Variants in ATP13A1 observed in about 807,000 individuals in gnomAD.
The protein encoded by ATP13A1 is endoplasmic reticulum transmembrane helix translocase.
Under a neutral mutation model 134.8 loss-of-function variants are expected in ATP13A1, and 55 were observed. The ratio of observed to expected loss-of-function variants is 0.41; its 90% CI spans 0.33 to 0.51. ATP13A1 has a LOEUF of 0.51. Among genes scored for constraint, ATP13A1 ranks in the 20% least tolerant of loss-of-function variants. The pLI, the probability that ATP13A1 is intolerant of heterozygous loss-of-function variation, is 0.29. For synonymous variants in ATP13A1, 775 were observed against 725.1 expected, an observed-to-expected ratio of 1.07 and a Z score of -1.10; for missense variants, 1,389 against 1,652.8, an observed-to-expected ratio of 0.84 and a Z score of 2.77.
chr19:19,654,502 A>T (rs762382139), intron 13 of ATP13A1, 41 bp downstream of exon 13: 3 of 1,561,368 alleles, frequency 1.9e-6, no homozygotes, highest in Non-Finnish European at 2.6e-6. Context: ...TGTGAGAGCC[A>T]GTGGCTCCCC....
chr19:19,654,190 G>A, intron 13 of ATP13A1, 46 bp from the exon 14 acceptor site: 3 of 1,531,116 alleles, frequency 2.0e-6, no homozygotes, highest in Non-Finnish European at 1.8e-6. Context: ...GCTCCAAAGA[G>A]GCAGCCAAGC....
Position 19,653,188 on chromosome 19 carries a change from G to A in ATP13A1, c.2101-468C>T, listed in dbSNP as rs1324247613. 5.6e-6 allele frequency: 1 copy of A among 178,702 alleles called. No individual in the cohort carries two copies. The highest frequency in any genetic ancestry group is 5.4e-5 in the Admixed American group (1 of 18,406). The allele number at this position is 178,702 out of a possible 1,614,324, so 11.1% of individuals were successfully genotyped here. On this transcript the variant is annotated intron_variant, in intron 15 of 25. Coordinates refer to ENST00000357324, the MANE Select transcript of ATP13A1 (RefSeq NM_020410.3). This position sits in a 1 kb window ranked among gnomAD's most constrained non-coding sequence, Gnocchi z 4.2. Reference sequence around the variant, plus strand: ...TCGGAGTGCTGAGTGCCATGAGAGAGGAGGTGAGAATGGAATCCAGAGAGG... The same window carrying A: ...TCGGAGTGCTGAGTGCCATGAGAGAAGAGGTGAGAATGGAATCCAGAGAGG...
chr19:19,657,430 C>T (rs2062066729), intron 3 of ATP13A1, 22 bp from the exon 4 acceptor site: 1 of 1,556,372 alleles, frequency 6.4e-7, no homozygotes, highest in Non-Finnish European at 8.7e-7. Flanking sequence ...CAGGCCCCAT[C>T]CTGTTCCCAG....
intron 1 of ATP13A1, 124 bp downstream of exon 1, chr19:19,663,147 C>T: frequency 1.4e-6 from 2 of 1,401,014 alleles, no homozygotes; most frequent in South Asian, 2.5e-5. Context: ...GAGGGTGCCC[C>T]TGGGAATCCA....
Position 19,653,491 on chromosome 19 carries a change from A to T in ATP13A1, c.2100+293T>A. The T allele has an allele frequency of 2.2e-6, 1 of 445,424 alleles. No individual in the cohort carries two copies. Among genetic ancestry groups the T allele is most frequent in the African/African-American group, 2.0e-5 (1 of 49,886 alleles). The allele number at this position is 445,424 out of a possible 1,614,324, so 27.6% of individuals were successfully genotyped here. A position where few individuals can be genotyped will look rare whatever the true frequency, so the allele number is the denominator to read the frequency against. The stretch of plus-strand genomic sequence containing the variant: ...GGAGGATGGATGGGTGAGAGGGCTG[A>T]GGATGCCACCTAGCCCTGCCCAAGA... On this transcript the variant is annotated intron_variant, in intron 15 of 25. Coordinates refer to ENST00000357324, the MANE Select transcript of ATP13A1 (RefSeq NM_020410.3). The surrounding 1 kb of genome is among the most constrained non-coding windows in gnomAD (Gnocchi z 4.2).
Position 19,663,640 on chromosome 19 carries a change from G to T in ATP13A1, c.27C>A (p.Asn9Lys). Residue 9 changes from asparagine (N) to lysine (K), a missense_variant, in exon 1 of 26, where the codon AAC becomes AAA. Asn to Lys is a moderately conservative substitution (Grantham distance 94, BLOSUM62 0). Around this residue, in one of 4 missense-constraint regions of ATP13A1, gnomAD observed 293 missense variants for 270.8 expected, o/e 1.08. Coordinates refer to ENST00000357324, the MANE Select transcript of ATP13A1 (RefSeq NM_020410.3). MAAAAAVGNAVPCGARPCG... is the reference protein window; with the variant it reads MAAAAAVGKAVPCGARPCG... The stretch of plus-strand genomic sequence containing the variant: ...AAGGCCGGGCCCCGCAGGGCACCGC[G>T]TTGCCCACCGCCGCCGCTGCCGCCA... The T allele has an allele frequency of 7.7e-7, 1 of 1,305,242 alleles. No individual in the cohort carries two copies. Among genetic ancestry groups the T allele is most frequent in the Non-Finnish European group, 9.7e-7 (1 of 1,029,116 alleles). The allele number at this position is 1,305,242 out of a possible 1,614,324, so 80.9% of individuals were successfully genotyped here. A position where few individuals can be genotyped will look rare whatever the true frequency, so the allele number is the denominator to read the frequency against.
rs761484333 is a variant in ATP13A1, at chr19:19,647,541, C to T, written c.2794-13G>A. Reference sequence around the variant, plus strand: ...GGCTCAGGCGGTCCTGCAGGGTAGACAGCAGGCTGTCAGCCCTGGCCAGGA... The same window carrying T: ...GGCTCAGGCGGTCCTGCAGGGTAGATAGCAGGCTGTCAGCCCTGGCCAGGA... On this transcript the variant is annotated splice_polypyrimidine_tract_variant and intron_variant, in intron 20 of 25. Coordinates refer to ENST00000357324, the MANE Select transcript of ATP13A1 (RefSeq NM_020410.3). This position sits in a 1 kb window ranked among gnomAD's most constrained non-coding sequence, Gnocchi z 4.8. 2 of 1,612,308 alleles carry T rather than the reference C, an allele frequency of 1.2e-6. No individual in the cohort carries two copies. Among genetic ancestry groups the T allele is most frequent in the Non-Finnish European group, 1.7e-6 (2 of 1,179,074 alleles).
At chr19:19,650,255 AC>A (rs1599429613) in intron 17 of ATP13A1, 1 of 466,040 alleles carries the variant, frequency 2.1e-6, no homozygotes, top group Non-Finnish European at 3.9e-6. Flanking sequence ...CCTGAAACAC[AC>A]AGAAGGGGGC....
At chr19:19,659,330 C>A (rs1382722093) in intron 3 of ATP13A1, among the ~76,000 whole-genome samples, 1 of 152,142 alleles carries the variant, frequency 6.6e-6, no homozygotes, top group Non-Finnish European at 1.5e-5. Flanking sequence ...GTGGGGGGAG[C>A]CTGTATTCCC....
In ATP13A1 at chr19:19,659,808, G is replaced by A. The variant is rs1286782870; in HGVS notation, c.487-17C>T. On this transcript the variant is annotated splice_polypyrimidine_tract_variant and intron_variant, in intron 2 of 25. Transcript: ENST00000357324. ...GTCTTCGCCCTGCGGTAGAAGGTGT[G>A]TTTGCCACAGAGGCCCCTGACCTTG... 1.9e-6 allele frequency: 3 copies of A among 1,611,290 alleles called. No homozygotes were observed. Among genetic ancestry groups the A allele is most frequent in the South Asian group, 1.1e-5 (1 of 90,884 alleles).
intron 12 of ATP13A1, 138 bp downstream of exon 12, chr19:19,654,981 G>A: frequency 7.3e-7 from 1 of 1,362,594 alleles, no homozygotes; most frequent in Non-Finnish European, 9.8e-7. Flanking sequence ...ACTTTGTGGG[G>A]AGCCCCTGGA....
intron 17 of ATP13A1, 111 bp from the exon 18 acceptor site, chr19:19,650,051 ACCTC>A: frequency 1.0e-6 from 1 of 964,066 alleles, no homozygotes; most frequent in Non-Finnish European, 1.5e-6. Flanking sequence ...TGGAGCCCGC[ACCTC>A]CCTACCCACC....
In ATP13A1 at chr19:19,655,248, G is replaced by A. The variant is rs765175900; in HGVS notation, c.1535-9C>T. On this transcript the variant is annotated splice_polypyrimidine_tract_variant and intron_variant, in intron 11 of 25. Transcript: ENST00000357324. This position sits in a 1 kb window ranked among gnomAD's most constrained non-coding sequence, Gnocchi z 5.7. ...CTCTGTGCAGTACATGTCTAGGGGC[G>A]GGAGTGAGGTCAGGGGTCCTGCTTG... The A allele has an allele frequency of 1.9e-5, 30 of 1,613,852 alleles. No individual in the cohort carries two copies. The highest frequency in any genetic ancestry group is 8.3e-5 in the Admixed American group (5 of 59,990).
rs2062042141 is a variant in ATP13A1 at position 19,654,147 on chromosome 19, G to A, written c.1814-3C>T. 2.5e-6 allele frequency: 4 copies of A among 1,581,914 alleles called. No individual in the cohort carries two copies. Among genetic ancestry groups the A allele is most frequent in the African/African-American group, 2.7e-5 (2 of 74,250 alleles). On this transcript the variant is annotated splice_polypyrimidine_tract_variant and splice_region_variant and intron_variant, in intron 13 of 25. Transcript: ENST00000357324. ...ACTTCGGGGGAATACTTTCTCATCT[G>A]GAAACAAATAAGTACGAGTCCTGAG...
chr19:19,646,715 G>T, intron 22 of ATP13A1: 1 of 389,998 alleles, frequency 2.6e-6, no homozygotes, highest in African/African-American at 2.0e-5. Flanking sequence ...CCTGTTTGGG[G>T]CCTTTGTGTC....
chr19:19,654,422 G>T, intron 13 of ATP13A1, 121 bp downstream of exon 13: 2 of 1,281,064 alleles, frequency 1.6e-6, no homozygotes, highest in Admixed American at 5.5e-5. Context: ...ACCCACCTCG[G>T]GGAGCATCAG....
chr19:19,649,771 C>G lies in ATP13A1; in HGVS notation c.2505G>C (p.Gln835His). ...GCTTGGGAGCCACACGGGCGAACAC[C>G]TGCACATGGGGGATGAGGCGGAGCA... ...QQLLRLIPHV[Q>H]VFARVAPKQK... Residue 835 changes from glutamine (Q) to histidine (H), a missense_variant, in exon 18 of 26, where the codon CAG becomes CAC. Gln to His is a conservative substitution (Grantham distance 24, BLOSUM62 0). Around this residue, in one of 4 missense-constraint regions of ATP13A1, gnomAD observed 747 missense variants for 956.1 expected, o/e 0.78. Transcript: ENST00000357324. 1 of 1,601,600 alleles carries G rather than the reference C, an allele frequency of 6.2e-7. No individual in the cohort carries two copies. Among genetic ancestry groups the G allele is most frequent in the Non-Finnish European group, 8.5e-7 (1 of 1,174,458 alleles).
In ATP13A1 at chr19:19,655,830, G is replaced by C; in HGVS notation, c.1269+48C>G. The stretch of plus-strand genomic sequence containing the variant: ...GGGGTCGGAAAGGGCTGATACCTTG[G>C]CTGTCCAACTGCCCTGGGGCCCGCC... On this transcript the variant is annotated intron_variant, in intron 9 of 25. Coordinates refer to ENST00000357324, the MANE Select transcript of ATP13A1 (RefSeq NM_020410.3). The surrounding 1 kb of genome is among the most constrained non-coding windows in gnomAD (Gnocchi z 5.7). 6.5e-7 allele frequency: 1 copy of C among 1,548,680 alleles called. No homozygotes were observed. Among genetic ancestry groups the C allele is most frequent in the Middle Eastern group, 1.8e-4 (1 of 5,592 alleles).
chr19:19,654,283 G>A, intron 13 of ATP13A1, 139 bp from the exon 14 acceptor site: 1 of 1,062,074 alleles, frequency 9.4e-7, no homozygotes, highest in Non-Finnish European at 1.3e-6. Context: ...AGCAGGTGTT[G>A]GTCCAGAGCT....
Sources: gnomAD v4.1 joint callset for allele counts (sites outside exome capture counted in the v4.1 genomes callset) on GRCh38, gnomAD v4.1.1 for gene constraint, gnomAD v4.1.1 regional missense constraint, Gnocchi (gnomAD v3.1) non-coding constraint, MANE v1.5 for transcripts, NCBI Gene and HGNC (gene_info 2026-07-23, HGNC 2026-07-21) for gene names.